TASP1: variants seen among roughly 807,000 people sequenced by gnomAD.
The protein encoded by TASP1 is taspase 1.
TASP1 carries 16 observed loss-of-function variants against 56.6 expected under a neutral mutation model. The ratio of observed to expected loss-of-function variants is 0.28; its 90% CI spans 0.19 to 0.43. The LOEUF is 0.43. Among genes scored for constraint, TASP1 ranks in the 20% least tolerant of loss-of-function variants. The pLI, the probability that TASP1 is intolerant of heterozygous loss-of-function variation, is 1.00. For missense variants in TASP1, 393 were observed against 511.6 expected (o/e 0.77, Z 2.24); for synonymous variants, 179 against 184.2 (o/e 0.97, Z 0.23).
intron 1 of TASP1, among the ~76,000 whole-genome samples, chr20:13,632,231 G>A (rs1441870191): frequency 1.3e-5 from 2 of 151,030 alleles, no homozygotes; most frequent in African/African-American, 2.4e-5. Context: ...ATGGTGGCGC[G>A]TTCCTGTAAT....
At chr20:13,563,684 T>TA (rs2046423540) in intron 7 of TASP1, among the ~76,000 whole-genome samples, 1 of 150,850 alleles carries the variant, frequency 6.6e-6, no homozygotes, top group South Asian at 2.1e-4. Context: ...TTTTTTTTTT[T>TA]AACAGAGACA....
the TASP1 span, among the ~76,000 whole-genome samples, chr20:13,297,131 G>A: frequency 4.6e-5 from 7 of 152,190 alleles, no homozygotes; most frequent in East Asian, 1.9e-4. Flanking sequence ...CTTGTCACAG[G>A]TGAACAAAGC....
chr20:13,598,923 A>G (rs147524453), intron 4 of TASP1, among the ~76,000 whole-genome samples: 14,478 of 152,302 alleles, frequency 0.095, 930 homozygotes, highest in Admixed American at 0.18. Context: ...AGACACATGA[A>G]AAAATGCTCA....
intron 11 of TASP1, among the ~76,000 whole-genome samples, chr20:13,436,421 GC>G (rs1363892472): frequency 6.6e-6 from 1 of 151,650 alleles, no homozygotes. Context: ...CAGGCTGCAA[GC>G]CCATAATCTT....
At chr20:13,232,698 T>C in the TASP1 span, among the ~76,000 whole-genome samples, 1 of 152,204 alleles carries the variant, frequency 6.6e-6, no homozygotes, top group Non-Finnish European at 1.5e-5. Context: ...TATTAAGAAA[T>C]TCTGGAAATC....
At chr20:13,203,958 T>C in the TASP1 span, among the ~76,000 whole-genome samples, 2 of 152,222 alleles carry the variant, frequency 1.3e-5, no homozygotes, top group African/African-American at 4.8e-5. Context: ...CTTGTGACTC[T>C]GAGGGACAAA....
At chr20:13,526,196 C>T (rs1336902491) in intron 10 of TASP1, among the ~76,000 whole-genome samples, 1 of 152,050 alleles carries the variant, frequency 6.6e-6, no homozygotes, top group Non-Finnish European at 1.5e-5. Context: ...AATCTCTTTT[C>T]CAAATTGACA....
At chr20:13,409,947 T>TGACC (rs2042043537) in intron 13 of TASP1, among the ~76,000 whole-genome samples, 1 of 152,206 alleles carries the variant, frequency 6.6e-6, no homozygotes, top group Non-Finnish European at 1.5e-5. Flanking sequence ...CTGTACCCAT[T>TGACC]GACCGACCTC....
chr20:13,277,409 A>C, the TASP1 span, among the ~76,000 whole-genome samples: 1 of 105,416 alleles, frequency 9.5e-6, no homozygotes, highest in Non-Finnish European at 2.0e-5. Flanking sequence ...GTTGCAGCTC[A>C]GTTCCCTCAG....
At chr20:13,626,539 A>T (rs1189595903) in intron 2 of TASP1, among the ~76,000 whole-genome samples, 1 of 152,202 alleles carries the variant, frequency 6.6e-6, no homozygotes, top group Non-Finnish European at 1.5e-5. Context: ...ACACAAACCT[A>T]ACCTACCTTT....
chr20:13,210,505 T>C, the TASP1 span, among the ~76,000 whole-genome samples: 2 of 152,166 alleles, frequency 1.3e-5, no homozygotes, highest in Non-Finnish European at 2.9e-5. Context: ...TTAATGGCCG[T>C]ATGGTTTCAG....
At chr20:13,408,536 T>C (rs2041999958) in intron 13 of TASP1, among the ~76,000 whole-genome samples, 1 of 152,158 alleles carries the variant, frequency 6.6e-6, no homozygotes, top group Admixed American at 6.6e-5. Context: ...AAACAATCCC[T>C]CTGCTTTGTT....
At chr20:13,553,068 G>A (rs1427815789) in intron 8 of TASP1, among the ~76,000 whole-genome samples, 3 of 151,882 alleles carry the variant, frequency 2.0e-5, no homozygotes, top group Non-Finnish European at 2.9e-5. Flanking sequence ...CCTGAGTAAC[G>A]GGGACTACAG....
At chr20:13,380,670 G>A in the TASP1 span, among the ~76,000 whole-genome samples, 22 of 152,214 alleles carry the variant, frequency 1.4e-4, no homozygotes, top group African/African-American at 4.1e-4. Context: ...CTGAAGCTGC[G>A]CCCACAGCTG....
intron 11 of TASP1, among the ~76,000 whole-genome samples, chr20:13,441,441 A>C (rs1349609636): frequency 6.6e-6 from 1 of 152,164 alleles, no homozygotes; most frequent in Non-Finnish European, 1.5e-5. Context: ...AATGATGGAG[A>C]GTGTCACTGG....
At chr20:13,622,799 C>A (rs1244440566) in intron 4 of TASP1, among the ~76,000 whole-genome samples, 2 of 152,218 alleles carry the variant, frequency 1.3e-5, no homozygotes, top group Admixed American at 6.5e-5. Context: ...TGACACAAAT[C>A]TATCTTCTCC....
At chr20:13,613,138 T>A (rs1339077207) in intron 4 of TASP1, among the ~76,000 whole-genome samples, 1 of 152,184 alleles carries the variant, frequency 6.6e-6, no homozygotes, top group Admixed American at 6.5e-5. Context: ...TGGACAATAA[T>A]AGAGATCTGC....
the TASP1 span, among the ~76,000 whole-genome samples, chr20:13,284,304 G>C: frequency 2.6e-5 from 4 of 152,152 alleles, no homozygotes; most frequent in African/African-American, 9.7e-5. Context: ...ACTAAGAAAG[G>C]ACTACTTTAA....
chr20:13,133,392 C>T, the TASP1 span, among the ~76,000 whole-genome samples: 1 of 152,098 alleles, frequency 6.6e-6, no homozygotes, highest in Non-Finnish European at 1.5e-5. Flanking sequence ...CTTTCCCTCC[C>T]ATCAGACATT....
Sources: gnomAD v4.1 joint callset for allele counts (sites outside exome capture counted in the v4.1 genomes callset) on GRCh38, gnomAD v4.1.1 for gene constraint, MANE v1.5 for transcripts, NCBI Gene and HGNC (gene_info 2026-07-23, HGNC 2026-07-21) for gene names.